Variants in IMMP2L observed in about 807,000 individuals in gnomAD.
IMMP2L encodes the protein mitochondrial inner membrane protease subunit 2.
Under a neutral mutation model 19.3 loss-of-function variants are expected in IMMP2L, and 18 were observed. The observed-to-expected ratio is 0.93, with a 90% CI of 0.64 to 1.38. The LOEUF (loss-of-function observed/expected upper bound fraction) is 1.38, where lower values mean the gene tolerates loss of function less well. Among genes scored for constraint, IMMP2L ranks in the 40% most tolerant of loss-of-function variants. IMMP2L has a pLI of 0.00. For synonymous variants in IMMP2L, 76 were observed against 73.0 expected, an observed-to-expected ratio of 1.04 and a Z score of -0.21; for missense variants, 233 against 218.2, an observed-to-expected ratio of 1.07 and a Z score of -0.43.
chr7:110,829,951 G>A (rs1803818168), intron 5 of IMMP2L, among the ~76,000 whole-genome samples: 1 of 152,052 alleles, frequency 6.6e-6, no homozygotes, highest in African/African-American at 2.4e-5. Context: ...AAAGAGAAAG[G>A]ATATTATGCA....
At chr7:110,703,551 G>A (rs1407397540) in intron 5 of IMMP2L, among the ~76,000 whole-genome samples, 4 of 152,034 alleles carry the variant, frequency 2.6e-5, no homozygotes, top group Non-Finnish European at 5.9e-5. Context: ...TCAGTTTGTA[G>A]CTCATTTATA....
chr7:111,157,328 T>C (rs1208722501), intron 3 of IMMP2L, among the ~76,000 whole-genome samples: 29 of 152,116 alleles, frequency 1.9e-4, no homozygotes, highest in Non-Finnish European at 3.5e-4. Flanking sequence ...GCAACCTAAG[T>C]GTCCATCAAT....
At chr7:111,421,269 T>TTTA (rs1835502447) in intron 3 of IMMP2L, among the ~76,000 whole-genome samples, 1 of 118,908 alleles carries the variant, frequency 8.4e-6, no homozygotes, top group African/African-American at 3.4e-5. Context: ...GTTTTTTTCT[T>TTTA]TTTTTTTTTT....
chr7:110,698,794 G>T (rs76285377), intron 5 of IMMP2L, among the ~76,000 whole-genome samples: 1 of 152,152 alleles, frequency 6.6e-6, no homozygotes, highest in Non-Finnish European at 1.5e-5. Context: ...CATCATTTGA[G>T]TCATCACTTG....
intron 5 of IMMP2L, among the ~76,000 whole-genome samples, chr7:110,705,189 G>T (rs1794567193): frequency 6.6e-6 from 1 of 152,094 alleles, no homozygotes; most frequent in Non-Finnish European, 1.5e-5. Flanking sequence ...CATTCATGAT[G>T]ATCCATTACC....
intron 5 of IMMP2L, among the ~76,000 whole-genome samples, chr7:110,681,958 T>C (rs1792751995): frequency 6.6e-6 from 1 of 152,172 alleles, no homozygotes; most frequent in Non-Finnish European, 1.5e-5. Context: ...TCTTGTGATG[T>C]TGCTGACAAA....
chr7:111,160,254 T>A (rs1030415196), intron 3 of IMMP2L, among the ~76,000 whole-genome samples: 1 of 152,078 alleles, frequency 6.6e-6, no homozygotes, highest in African/African-American at 2.4e-5. Flanking sequence ...ATAAATAAGT[T>A]ATCCAAAAAT....
intron 3 of IMMP2L, among the ~76,000 whole-genome samples, chr7:111,040,007 A>C (rs903601187): frequency 6.6e-6 from 1 of 152,236 alleles, no homozygotes; most frequent in Non-Finnish European, 1.5e-5. Context: ...TCTACTAAAA[A>C]TACAAAAATT....
At chr7:111,325,365 A>G (rs1289663341) in intron 3 of IMMP2L, among the ~76,000 whole-genome samples, 1 of 151,652 alleles carries the variant, frequency 6.6e-6, no homozygotes. Flanking sequence ...TTTTGCTTCA[A>G]TCTTCTTGTA....
intron 5 of IMMP2L, among the ~76,000 whole-genome samples, chr7:110,753,290 G>C (rs1797840799): frequency 6.6e-6 from 1 of 151,980 alleles, no homozygotes. Context: ...CATGATCTTA[G>C]ATATTAGAAA....
intron 3 of IMMP2L, among the ~76,000 whole-genome samples, chr7:111,048,238 CAAAA>C (rs575701337): frequency 1.6e-4 from 3 of 18,348 alleles, no homozygotes; most frequent in Admixed American, 9.3e-4. Flanking sequence ...GACTCTGTCT[CAAAA>C]AAAAAAAAAA....
chr7:111,000,434 G>C (rs1390788104), intron 3 of IMMP2L, among the ~76,000 whole-genome samples: 1 of 152,196 alleles, frequency 6.6e-6, no homozygotes, highest in Non-Finnish European at 1.5e-5. Flanking sequence ...ATAATGTGAT[G>C]TAATAGAAAT....
chr7:111,040,869 C>T (rs1234231381), intron 3 of IMMP2L, among the ~76,000 whole-genome samples: 1 of 151,422 alleles, frequency 6.6e-6, no homozygotes, highest in African/African-American at 2.4e-5. Flanking sequence ...GGCAATAAAG[C>T]ATGGTATGAT....
intron 3 of IMMP2L, among the ~76,000 whole-genome samples, chr7:111,116,730 T>A (rs1017401282): frequency 3.3e-5 from 5 of 152,194 alleles, no homozygotes; most frequent in Admixed American, 1.3e-4. Context: ...AACTGCCTTA[T>A]AATTTCATCT....
intron 3 of IMMP2L, among the ~76,000 whole-genome samples, chr7:111,324,123 C>G (rs1268777513): frequency 6.6e-6 from 1 of 151,920 alleles, no homozygotes; most frequent in East Asian, 1.9e-4. Flanking sequence ...CACATATACC[C>G]TAAAACTTAA....
At chr7:110,732,812 T>C (rs958536963) in intron 5 of IMMP2L, among the ~76,000 whole-genome samples, 9 of 151,164 alleles carry the variant, frequency 6.0e-5, no homozygotes, top group Admixed American at 2.0e-4. Flanking sequence ...TTTTTTGAGA[T>C]AGGGTCTCTG....
intron 3 of IMMP2L, among the ~76,000 whole-genome samples, chr7:111,084,567 A>G (rs953862938): frequency 6.6e-6 from 1 of 152,198 alleles, no homozygotes; most frequent in Non-Finnish European, 1.5e-5. Context: ...AGTAGAGACA[A>G]TATTATCTAA....
intron 3 of IMMP2L, among the ~76,000 whole-genome samples, chr7:111,041,288 G>C (rs1187273772): frequency 6.6e-6 from 1 of 151,972 alleles, no homozygotes; most frequent in Admixed American, 6.6e-5. Flanking sequence ...AGAAAAAAAG[G>C]CCTTGAAATC....
intron 2 of IMMP2L, among the ~76,000 whole-genome samples, chr7:111,501,451 C>G (rs1409753650): frequency 1.3e-5 from 2 of 152,060 alleles, no homozygotes; most frequent in Non-Finnish European, 2.9e-5. Flanking sequence ...GGCCAACATT[C>G]AAATTCAGGA....
Sources: gnomAD v4.1 joint callset for allele counts (sites outside exome capture counted in the v4.1 genomes callset) on GRCh38, gnomAD v4.1.1 for gene constraint, MANE v1.5 for transcripts, NCBI Gene and HGNC (gene_info 2026-07-23, HGNC 2026-07-21) for gene names.